GSE1: variants seen among roughly 807,000 people sequenced by gnomAD.
GSE1 encodes genetic suppressor element 1.
In GSE1, 32 loss-of-function variants were observed where a neutral mutation model predicts 112.6. The ratio of observed to expected loss-of-function variants is 0.28; its 90% CI spans 0.21 to 0.38. The LOEUF (loss-of-function observed/expected upper bound fraction) is 0.38. GSE1 is among the 10% of genes least tolerant of loss of function. The pLI, the probability that GSE1 is intolerant of heterozygous loss-of-function variation, is 1.00. For synonymous variants in GSE1, 1,115 were observed against 735.6 expected (o/e 1.52, Z -8.35); for missense variants, 2,348 against 1,699.2 (o/e 1.38, Z -6.71).
chr16:85,637,154 G>A (rs773625368), intron 2 of GSE1, among the ~76,000 whole-genome samples: 1 of 152,190 alleles, frequency 6.6e-6, no homozygotes, highest in Non-Finnish European at 1.5e-5. Context: ...AGAGAACCTC[G>A]GTTGCATTTG....
At position 85,363,902 on chromosome 16, in the gene GSE1, C is replaced by G. The variant is rs149690325; in HGVS notation, c.2464+6259C>G. Among the ~76,000 whole-genome samples, 341 of 152,324 alleles carry G rather than the reference C, an allele frequency of 2.2e-3. 1 individual carries two copies. The highest frequency in any genetic ancestry group is 7.7e-3 in the African/African-American group (321 of 41,564). ...AGAAGGTCCCTTCCCTCTGCCTGCT[C>G]TTGTGACTTCTGCCTTGCCGATCAC... On this transcript the variant is annotated intron_variant, in intron 2 of 2. Transcript: ENST00000637419.
At chr16:85,431,956 G>T (rs546830827) in intron 2 of GSE1, among the ~76,000 whole-genome samples, 7 of 152,328 alleles carry the variant, frequency 4.6e-5, no homozygotes, top group Admixed American at 3.9e-4. Flanking sequence ...CTGTGGGAGG[G>T]GCATCCCAGG....
intron 2 of GSE1, among the ~76,000 whole-genome samples, chr16:85,399,092 G>A (rs967598655): frequency 6.6e-6 from 1 of 152,296 alleles, no homozygotes; most frequent in South Asian, 2.1e-4. Flanking sequence ...TGTGTATGTG[G>A]TGTGTACATG....
chr16:85,449,065 G>GCCAGGCTGGAAA (rs1567495656), intron 2 of GSE1, among the ~76,000 whole-genome samples: 1 of 152,240 alleles, frequency 6.6e-6, no homozygotes, highest in East Asian at 1.9e-4. Context: ...GCAGGAGGGA[G>GCCAGGCTGGAAA]CCGGGCTGGA....
chr16:85,186,705 C>T (rs1314129577), intron 1 of GSE1, among the ~76,000 whole-genome samples: 2 of 152,036 alleles, frequency 1.3e-5, no homozygotes, highest in Non-Finnish European at 2.9e-5. Flanking sequence ...TTTGAGGCTG[C>T]AGTGAGCTAT....
At chr16:85,368,840 G>C in intron 2 of GSE1, among the ~76,000 whole-genome samples, 1 of 152,170 alleles carries the variant, frequency 6.6e-6, no homozygotes. Context: ...GGCACTTCAA[G>C]GTCACCCGAG....
At chr16:85,473,722 A>C (rs897012967) in intron 2 of GSE1, among the ~76,000 whole-genome samples, 7 of 152,140 alleles carry the variant, frequency 4.6e-5, no homozygotes, top group Non-Finnish European at 1.5e-5. Context: ...CTTTTTCCAA[A>C]TAAGTCACAC....
chr16:85,246,200 TAC>T (rs545313239), intron 1 of GSE1, among the ~76,000 whole-genome samples: 11,599 of 88,836 alleles, frequency 0.13, 786 homozygotes, highest in Non-Finnish European at 0.16. Flanking sequence ...TCAGGGACCC[TAC>T]ACACACACAC....
At chr16:85,332,056 G>A (rs955814160) in intron 1 of GSE1, among the ~76,000 whole-genome samples, 4 of 151,320 alleles carry the variant, frequency 2.6e-5, no homozygotes, top group African/African-American at 9.7e-5. Context: ...GCAACCATCT[G>A]GGGGCTCCTG....
chr16:85,321,325 G>A (rs1373528971), intron 1 of GSE1, among the ~76,000 whole-genome samples: 1 of 152,186 alleles, frequency 6.6e-6, no homozygotes, highest in Non-Finnish European at 1.5e-5. Flanking sequence ...AAGGAGAGAG[G>A]AGGGCGAAGA....
At chr16:85,491,575 A>T (rs939705057) in intron 2 of GSE1, among the ~76,000 whole-genome samples, 1 of 152,068 alleles carries the variant, frequency 6.6e-6, no homozygotes, top group African/African-American at 2.4e-5. Flanking sequence ...GTGGGCAAGG[A>T]GGGCGAGACG....
intron 1 of GSE1, among the ~76,000 whole-genome samples, chr16:85,290,290 C>T (rs992052604): frequency 4.6e-4 from 70 of 152,244 alleles, no homozygotes; most frequent in African/African-American, 1.6e-3. Context: ...GCCATCTTCT[C>T]ATCACAAGGC....
At chr16:85,637,199 G>A (rs556313235) in intron 2 of GSE1, among the ~76,000 whole-genome samples, 14 of 152,288 alleles carry the variant, frequency 9.2e-5, no homozygotes, top group South Asian at 4.1e-4. Context: ...AGCCCCCGGC[G>A]GCCGCTGTCT....
intron 1 of GSE1, among the ~76,000 whole-genome samples, chr16:85,589,115 C>G (rs1434674553): frequency 6.6e-6 from 1 of 152,204 alleles, no homozygotes; most frequent in East Asian, 1.9e-4. Context: ...CCCTCCCTCC[C>G]TCCTCTCTGC....
intron 2 of GSE1, among the ~76,000 whole-genome samples, chr16:85,414,931 C>T (rs1215512999): frequency 1.3e-5 from 2 of 152,174 alleles, no homozygotes; most frequent in Non-Finnish European, 2.9e-5. Context: ...CCACCGTGCC[C>T]AGCCTGATTT....
chr16:85,184,464 A>C (rs532792076), intron 1 of GSE1, among the ~76,000 whole-genome samples: 1 of 152,246 alleles, frequency 6.6e-6, no homozygotes. Context: ...ATACTTAAGA[A>C]GGGGGCCAGG....
At chr16:85,199,572 C>T (rs886169559) in intron 1 of GSE1, among the ~76,000 whole-genome samples, 1 of 152,210 alleles carries the variant, frequency 6.6e-6, no homozygotes, top group African/African-American at 2.4e-5. Flanking sequence ...CACGTTTCTT[C>T]TCCAGGAGGC....
At chr16:85,534,530 C>A (rs927443908) in intron 2 of GSE1, among the ~76,000 whole-genome samples, 4 of 152,136 alleles carry the variant, frequency 2.6e-5, no homozygotes, top group African/African-American at 7.2e-5. Flanking sequence ...CCTCAGAGTC[C>A]CTCCAGCCTG....
At chr16:85,644,967 G>A (rs995709767) in intron 2 of GSE1, among the ~76,000 whole-genome samples, 2 of 151,922 alleles carry the variant, frequency 1.3e-5, no homozygotes, top group African/African-American at 2.4e-5. Flanking sequence ...CGCCTAGACT[G>A]CCAGTGTCCA....
Sources: allele counts gnomAD v4.1 joint callset (sites outside exome capture counted in the v4.1 genomes callset), GRCh38; gene constraint gnomAD v4.1.1; transcripts MANE v1.5; gene names NCBI Gene and HGNC (gene_info 2026-07-23, HGNC 2026-07-21).